Variants in DFFB observed in about 807,000 individuals in gnomAD.
DFFB encodes the protein DNA fragmentation factor subunit beta, also known as DNA fragmentation factor 40 kDa subunit.
In DFFB, 29 loss-of-function variants were observed where a neutral mutation model predicts 32.7. That is an observed-to-expected ratio of 0.89 (90% CI 0.66 to 1.21). The LOEUF is 1.21. DFFB is among the 50% of genes most tolerant of loss of function. The pLI, the probability that DFFB is intolerant of heterozygous loss-of-function variation, is 0.00. For missense variants in DFFB, 398 were observed against 440.6 expected (o/e 0.90, Z 0.87); for synonymous variants, 170 against 177.1 (o/e 0.96, Z 0.32).
At chr1:3,869,458 C>A (rs898918389) in intron 4 of DFFB, 147 bp from the exon 5 acceptor site, 2 of 788,128 alleles carry the variant, frequency 2.5e-6, no homozygotes, top group African/African-American at 1.7e-5. Context: ...CAGCAGTGGC[C>A]GAGAGGCCAC....
Position 3,883,541 on chromosome 1 carries a change from G to A in DFFB, c.817G>A (p.Val273Met). 1 of 1,614,202 alleles carries A rather than the reference G, an allele frequency of 6.2e-7. No homozygotes were observed. Among genetic ancestry groups the A allele is most frequent in the South Asian group, 1.1e-5 (1 of 91,078 alleles). Reference protein sequence around the residue: ...EKKRTIIPTLVEAIKEQDGRE... With the variant: ...EKKRTIIPTLMEAIKEQDGRE... ...GAAACGCACCATCATTCCTACACTG[G>A]TGGAAGCAATTAAGGAACAAGATGG... Residue 273 changes from valine to methionine, a missense_variant, in exon 7 of 7, where the codon GTG becomes ATG. Val to Met is a conservative substitution (Grantham distance 21). Coordinates refer to ENST00000378209, the MANE Select transcript of DFFB (RefSeq NM_004402.4).
In DFFB at chr1:3,865,732, G is replaced by A. The variant is rs1644964917; in HGVS notation, c.242-80G>A. Reference sequence around the variant, plus strand: ...GGCCCTGGGGAATGGGGGAAGATGTGGTCAGAGGCTCTTCTTGTGACCGGG... The same window carrying A: ...GGCCCTGGGGAATGGGGGAAGATGTAGTCAGAGGCTCTTCTTGTGACCGGG... On this transcript the variant is annotated intron_variant, in intron 2 of 6. Coordinates refer to ENST00000378209, the MANE Select transcript of DFFB (RefSeq NM_004402.4). This position sits in a 1 kb window ranked among gnomAD's most constrained non-coding sequence, Gnocchi z 4.7. 1 of 1,607,742 alleles carries A rather than the reference G, an allele frequency of 6.2e-7. No homozygotes were observed. Among genetic ancestry groups the A allele is most frequent in the African/African-American group, 1.3e-5 (1 of 74,788 alleles).
chr1:3,882,706 G>T (rs952053673), intron 6 of DFFB, among the ~76,000 whole-genome samples: 3 of 152,128 alleles, frequency 2.0e-5, no homozygotes, highest in African/African-American at 7.2e-5. Context: ...GCATATAACG[G>T]TATAAGATTA....
chr1:3,867,733 G>T, intron 3 of DFFB: 1 of 502,280 alleles, frequency 2.0e-6, no homozygotes, highest in Non-Finnish European at 3.6e-6. Context: ...CGTCCCTGTA[G>T]TCTTAGCCAC....
chr1:3,881,351 C>T (rs1645333341), intron 6 of DFFB, among the ~76,000 whole-genome samples: 1 of 152,216 alleles, frequency 6.6e-6, no homozygotes, highest in Admixed American at 6.5e-5. Flanking sequence ...CAGTGGGTTT[C>T]CCTTCCTCTT....
chr1:3,867,734 T>A, intron 3 of DFFB: 1 of 503,604 alleles, frequency 2.0e-6, no homozygotes, highest in Non-Finnish European at 3.6e-6. Flanking sequence ...GTCCCTGTAG[T>A]CTTAGCCACT....
chr1:3,872,467 C>A lies in DFFB; in HGVS notation c.682-5C>A. On this transcript the variant is annotated splice_polypyrimidine_tract_variant and splice_region_variant and intron_variant, in intron 5 of 6. Transcript: ENST00000378209. ...GGCCTTCCCTCATTGTCTTTTGGCC[C>A]CCAGGGTCCCTTTGACATGGACAGC... The A allele has an allele frequency of 6.2e-7, 1 of 1,613,206 alleles. No individual in the cohort carries two copies. The highest frequency in any genetic ancestry group is 8.5e-7 in the Non-Finnish European group (1 of 1,179,260).
chr1:3,869,692 A>T lies in DFFB; in HGVS notation c.598A>T (p.Met200Leu), dbSNP rs755375993. Residue 200 changes from methionine (M) to leucine (L), a missense_variant, in exon 5 of 7, where the codon ATG becomes TTG. By Grantham distance (15) the Met-to-Leu change is conservative. Transcript: ENST00000378209. ...CTCCATGTGCCAGAGGCTCCGGTCC[A>T]TGCAGTACAATGGCAGCTACTTCGA... Reference protein sequence around the residue: ...LGSMCQRLRSMQYNGSYFDRG... With the variant: ...LGSMCQRLRSLQYNGSYFDRG... 6.2e-7 allele frequency: 1 copy of T among 1,613,424 alleles called. No homozygotes were observed. Among genetic ancestry groups the T allele is most frequent in the South Asian group, 1.1e-5 (1 of 91,074 alleles).
chr1:3,872,576 A>G lies in DFFB; in HGVS notation c.782+4A>G, dbSNP rs749891559. 2 of 1,610,904 alleles carry G rather than the reference A, an allele frequency of 1.2e-6. No individual in the cohort carries two copies. The highest frequency in any genetic ancestry group is 1.7e-6 in the Non-Finnish European group (2 of 1,179,058). On this transcript the variant is annotated splice_donor_region_variant and intron_variant, in intron 6 of 6. Transcript: ENST00000378209. Reference sequence around the variant, plus strand: ...GCACCTGGAACCTGGATCACATGTAAGCTCACAGAGCGAGGTTCAGACCCA... The same window carrying G: ...GCACCTGGAACCTGGATCACATGTAGGCTCACAGAGCGAGGTTCAGACCCA...
intron 2 of DFFB, 166 bp downstream of exon 2, chr1:3,859,010 G>C: frequency 2.1e-6 from 2 of 947,616 alleles, no homozygotes; most frequent in Non-Finnish European, 3.0e-6. Flanking sequence ...CGTCGCTTAG[G>C]TGGCAGAGTC....
intron 5 of DFFB, among the ~76,000 whole-genome samples, chr1:3,870,460 G>A (rs115336625): frequency 0.043 from 6,501 of 152,322 alleles, 496 homozygotes; most frequent in African/African-American, 0.15. Context: ...TCCTTCTGGG[G>A]TGATGGGCTC....
At position 3,866,020 on chromosome 1, in the gene DFFB, G is replaced by A; in HGVS notation, c.430+20G>A. ...TTGAAGGTGCGTGGGGGCTGCAGCT[G>A]GCAGGGGAGAGGCTTCTTTGGAGCC... On this transcript the variant is annotated intron_variant, in intron 3 of 6. Coordinates refer to ENST00000378209, the MANE Select transcript of DFFB (RefSeq NM_004402.4). The A allele has an allele frequency of 6.6e-7, 1 of 1,524,962 alleles. No homozygotes were observed. The highest frequency in any genetic ancestry group is 8.8e-7 in the Non-Finnish European group (1 of 1,136,746). 94.5% of individuals were successfully genotyped at this position (1,524,962 alleles called of 1,614,324 possible).
Position 3,869,598 on chromosome 1 carries a change from C to T in DFFB, c.511-7C>T. On this transcript the variant is annotated splice_region_variant and splice_polypyrimidine_tract_variant and intron_variant, in intron 4 of 6. Transcript: ENST00000378209. ...CCAGGCTCACCGACGTTCCTTGGTT[C>T]CTCCAGGTGAGCTCCTACCCCTCCA... The T allele has an allele frequency of 1.3e-6, 2 of 1,597,930 alleles. No individual in the cohort carries two copies. Among genetic ancestry groups the T allele is most frequent in the South Asian group, 2.2e-5 (2 of 90,426 alleles).
At chr1:3,858,956 C>T in intron 2 of DFFB, 112 bp downstream of exon 2, 2 of 1,465,908 alleles carry the variant, frequency 1.4e-6, no homozygotes, top group South Asian at 2.6e-5. Flanking sequence ...ACTGTGAACT[C>T]TCGGGTCTCA....
chr1:3,865,866 T>G lies in DFFB; in HGVS notation c.296T>G (p.Leu99Arg). Residue 99 changes from leucine to arginine, a missense_variant, in exon 3 of 7, where the codon CTC (leucine) becomes CGC (arginine). Leu to Arg is a moderately radical substitution (Grantham distance 102). Coordinates refer to ENST00000378209, the MANE Select transcript of DFFB (RefSeq NM_004402.4). This position sits in a 1 kb window ranked among gnomAD's most constrained non-coding sequence, Gnocchi z 4.7. ...GCATTTCACGAGCCACAGGTGGGGC[T>G]CATCCAGGCCGCCCAGCAGCTGCTG... ...LSAFHEPQVG[L>R]IQAAQQLLCD... 6.2e-7 allele frequency: 1 copy of G among 1,613,936 alleles called. No individual in the cohort carries two copies. Among genetic ancestry groups the G allele is most frequent in the Non-Finnish European group, 8.5e-7 (1 of 1,179,964 alleles).
At chr1:3,866,408 A>G in intron 3 of DFFB, 1 of 248,314 alleles carries the variant, frequency 4.0e-6, no homozygotes, top group South Asian at 3.6e-5. Flanking sequence ...GGCAAGTGCA[A>G]CCACGCCCTG....
chr1:3,874,201 G>A (rs1003413383), intron 6 of DFFB, among the ~76,000 whole-genome samples: 2 of 148,312 alleles, frequency 1.3e-5, no homozygotes, highest in African/African-American at 2.6e-5. Context: ...CTGCAGAGCC[G>A]TGTAGCTACA....
intron 2 of DFFB, among the ~76,000 whole-genome samples, chr1:3,862,832 CAG>C (rs1306679525): frequency 6.6e-6 from 1 of 152,130 alleles, no homozygotes; most frequent in African/African-American, 2.4e-5. Context: ...GAAGAAAAAA[CAG>C]ATAAATTGGG....
intron 6 of DFFB, among the ~76,000 whole-genome samples, chr1:3,878,636 C>T (rs983732149): frequency 2.6e-5 from 4 of 152,190 alleles, no homozygotes; most frequent in East Asian, 1.9e-4. Context: ...TGTGGTTTGG[C>T]GTTCATGGTG....
Sources: allele counts gnomAD v4.1 joint callset (sites outside exome capture counted in the v4.1 genomes callset), GRCh38; gene constraint gnomAD v4.1.1; non-coding constraint Gnocchi (gnomAD v3.1); transcripts MANE v1.5; gene names NCBI Gene and HGNC (gene_info 2026-07-23, HGNC 2026-07-21).